The following ITGA11 variants were observed in gnomAD, a reference collection of about 807,000 sequenced individuals.
ITGA11 encodes the protein integrin alpha-11.
Under a neutral mutation model 141.9 loss-of-function variants are expected in ITGA11, and 97 were observed. The ratio of observed to expected loss-of-function variants is 0.68; its 90% confidence interval spans 0.58 to 0.81. The LOEUF (loss-of-function observed/expected upper bound fraction) is 0.81, where lower values mean the gene tolerates loss of function less well. Ranked by LOEUF, ITGA11 falls within the 30% of genes least tolerant of loss-of-function variation. The pLI, the probability that ITGA11 is intolerant of heterozygous loss-of-function variation, is 0.00. For synonymous variants in ITGA11, 658 were observed against 624.6 expected, an observed-to-expected ratio of 1.05 and a Z score of -0.80; for missense variants, 1,387 against 1,559.2, an observed-to-expected ratio of 0.89 and a Z score of 1.86.
chr15:68,374,500 T>C (rs770282690), intron 2 of ITGA11, among the ~76,000 whole-genome samples: 7 of 152,136 alleles, frequency 4.6e-5, no homozygotes, highest in Non-Finnish European at 7.4e-5. Flanking sequence ...GCTGGACTAG[T>C]ACACGGTGTC....
Position 68,303,765 on chromosome 15 carries a change from C to T in ITGA11, c.3495+7G>A, listed in dbSNP as rs763256050. On this transcript the variant is annotated splice_region_variant and intron_variant, in intron 29 of 29. Coordinates refer to ENST00000315757, the MANE Select transcript of ITGA11 (RefSeq NM_001004439.2). The surrounding 1 kb of genome is among the most constrained non-coding windows in gnomAD (Gnocchi z 5.3). ...CTGCTCCTTCCCTCCCCTGCCAGGG[C>T]CCTCACCTTCCACAGTGCCAGGACC... 6.3e-7 allele frequency: 1 copy of T among 1,591,300 alleles called. No individual in the cohort carries two copies. Among genetic ancestry groups the T allele is most frequent in the South Asian group, 1.1e-5 (1 of 90,094 alleles).
chr15:68,320,422 CA>C, intron 19 of ITGA11, 30 bp from the exon 20 acceptor site: 1 of 1,544,586 alleles, frequency 6.5e-7, no homozygotes. Flanking sequence ...AGAGACTGGG[CA>C]GATGGAATGA....
At chr15:68,389,813 G>A (rs1320782359) in intron 2 of ITGA11, among the ~76,000 whole-genome samples, 1 of 152,182 alleles carries the variant, frequency 6.6e-6, no homozygotes, top group African/African-American at 2.4e-5. Flanking sequence ...CTCTCCAGGG[G>A]TGAGAGCTTC....
chr15:68,404,732 A>G (rs72745267), intron 1 of ITGA11, among the ~76,000 whole-genome samples: 27,576 of 152,172 alleles, frequency 0.18, 2,931 homozygotes, highest in Non-Finnish European at 0.24. Context: ...CATTTTCAGG[A>G]TACATCTGGC....
chr15:68,407,025 T>C (rs918938366), intron 1 of ITGA11, among the ~76,000 whole-genome samples: 72 of 152,266 alleles, frequency 4.7e-4, no homozygotes, highest in African/African-American at 1.7e-3. Context: ...TTCTCTTCCC[T>C]CCCTAGATCA....
rs185083592 is a variant in ITGA11, at chr15:68,354,729, C to G, written c.749+2422G>C. On this transcript the variant is annotated intron_variant, in intron 7 of 29. Transcript: ENST00000315757. ...CCACTCCATGGGGGCCCCTCCCTCT[C>G]TCATCCTCACCGAGTTAGGGTTAGG... 5.9e-4 allele frequency among the ~76,000 whole-genome samples: 90 copies of G among 152,316 alleles called. 1 individual carries two copies. Among genetic ancestry groups the G allele is most frequent in the Admixed American group, 2.8e-3 (43 of 15,282 alleles).
chr15:68,307,328 C>T lies in ITGA11; in HGVS notation c.3381+20G>A. ...GCTGTCCGGCCTAAGCCCAGTTCTG[C>T]AGGGCTCCCAGGGGCTCACCTGGCG... On this transcript the variant is annotated intron_variant, in intron 28 of 29. Transcript: ENST00000315757. This position sits in a 1 kb window ranked among gnomAD's most constrained non-coding sequence, Gnocchi z 6.1. The T allele has an allele frequency of 6.5e-7, 1 of 1,536,470 alleles. No homozygotes were observed. Among genetic ancestry groups the T allele is most frequent in the African/African-American group, 1.4e-5 (1 of 72,844 alleles).
intron 2 of ITGA11, among the ~76,000 whole-genome samples, chr15:68,375,119 C>T (rs1895695618): frequency 6.6e-6 from 1 of 152,122 alleles, no homozygotes; most frequent in South Asian, 2.1e-4. Flanking sequence ...CTAGGGCCAG[C>T]AGGGCCTCTC....
At position 68,335,735 on chromosome 15, in the gene ITGA11, G is replaced by T; in HGVS notation, c.1387C>A (p.Arg463=). The T allele has an allele frequency of 6.2e-7, 1 of 1,613,852 alleles. No individual in the cohort carries two copies. The highest frequency in any genetic ancestry group is 8.5e-7 in the Non-Finnish European group (1 of 1,179,846). ...KVILFTMHNN[R]SLTIHQAMRG... is the part of the protein sequence containing the mutation. ...ATAGCCTGGTGGATGGTGAGGCTCC[G>T]GTTGTTGTGCATGGTGAACAGGATG... is the stretch of plus-strand genomic sequence containing the variant. The change falls in exon 12 of 30, where the codon CGG becomes AGG. Residue 463 remains arginine (R), a synonymous_variant. Transcript: ENST00000315757. The surrounding 1 kb of genome is among the most constrained non-coding windows in gnomAD (Gnocchi z 4.9).
Position 68,325,946 on chromosome 15 carries a change from C to A in ITGA11, c.2212-705G>T, listed in dbSNP as rs1391165784. Among the ~76,000 whole-genome samples, 7 of 152,204 alleles carry A rather than the reference C, an allele frequency of 4.6e-5. No individual in the cohort carries two copies. The highest frequency in any genetic ancestry group is 7.2e-5 in the African/African-American group (3 of 41,448). Reference sequence around the variant, plus strand: ...GCTGGCGCCAGCCCCAGCCCCAGCCCCAGAGTTTCTGAGTCAGAACAAGTG... The same window carrying A: ...GCTGGCGCCAGCCCCAGCCCCAGCCACAGAGTTTCTGAGTCAGAACAAGTG... On this transcript the variant is annotated intron_variant, in intron 17 of 29. Coordinates refer to ENST00000315757, the MANE Select transcript of ITGA11 (RefSeq NM_001004439.2). This position sits in a 1 kb window ranked among gnomAD's most constrained non-coding sequence, Gnocchi z 5.5.
intron 1 of ITGA11, among the ~76,000 whole-genome samples, chr15:68,426,196 A>G (rs906863666): frequency 2.0e-5 from 3 of 152,234 alleles, no homozygotes; most frequent in South Asian, 2.1e-4. Context: ...GGCTCAAGGC[A>G]CAGCCAGTTG....
At chr15:68,371,613 G>A (rs890764504) in intron 2 of ITGA11, among the ~76,000 whole-genome samples, 1 of 152,094 alleles carries the variant, frequency 6.6e-6, no homozygotes, top group Non-Finnish European at 1.5e-5. Context: ...AGTTACTTGG[G>A]AGGCTGAGGC....
Position 68,400,894 on chromosome 15 carries a change from AATATTAT to A in ITGA11, c.164+2017_164+2023del, listed in dbSNP as rs374859464. ...TTATATATTATATAATAAATATTAT[AATATTAT>A]ATATTATATAATAAATATTATAATA... On this transcript the variant is annotated intron_variant, in intron 2 of 29. Transcript: ENST00000315757. Among the ~76,000 whole-genome samples the A allele has an allele frequency of 2.2e-3, 84 of 37,536 alleles. 20 individuals are homozygous for A. The highest frequency in any genetic ancestry group is 8.4e-3 in the South Asian group (10 of 1,184). The allele number at this position is 37,536 out of a possible 152,430, so 24.6% of individuals were successfully genotyped here.
At chr15:68,351,065 C>T (rs1307559797) in intron 8 of ITGA11, among the ~76,000 whole-genome samples, 193 bp downstream of exon 8, 3 of 152,154 alleles carry the variant, frequency 2.0e-5, no homozygotes, top group East Asian at 3.9e-4. Flanking sequence ...AAACACAACC[C>T]GTAGCTTTTG....
At chr15:68,422,121 C>T (rs143133324) in intron 1 of ITGA11, among the ~76,000 whole-genome samples, 200 of 152,274 alleles carry the variant, frequency 1.3e-3, no homozygotes, top group Non-Finnish European at 2.5e-3. Flanking sequence ...GGCTCTGTGC[C>T]GTGGGGCGCT....
chr15:68,393,642 G>A lies in ITGA11; in HGVS notation c.164+9276C>T, dbSNP rs780672786. On this transcript the variant is annotated intron_variant, in intron 2 of 29. Coordinates refer to ENST00000315757, the MANE Select transcript of ITGA11 (RefSeq NM_001004439.2). Reference sequence around the variant, plus strand: ...GAGATTAAGATCTTTTCAGACAAACGAACAAAAACAAACAGAAAACCCAAC... The same window carrying A: ...GAGATTAAGATCTTTTCAGACAAACAAACAAAAACAAACAGAAAACCCAAC... Among the ~76,000 whole-genome samples the A allele has an allele frequency of 1.1e-4, 16 of 152,098 alleles. No individual in the cohort carries two copies. In the South Asian group the frequency reaches 1.2e-3, roughly 12 times the overall value.
At chr15:68,362,511 G>C (rs1463052636) in intron 4 of ITGA11, among the ~76,000 whole-genome samples, 1 of 152,248 alleles carries the variant, frequency 6.6e-6, no homozygotes, top group Non-Finnish European at 1.5e-5. Flanking sequence ...GCAGGGGACA[G>C]AGGGGAATAA....
intron 11 of ITGA11, among the ~76,000 whole-genome samples, chr15:68,336,636 T>A (rs1345980719): frequency 6.6e-6 from 1 of 152,160 alleles, no homozygotes; most frequent in Admixed American, 6.5e-5. Flanking sequence ...CCAGCAGGTG[T>A]GGAAAGCCGA....
chr15:68,391,854 A>G (rs1374741950), intron 2 of ITGA11, among the ~76,000 whole-genome samples: 1 of 152,230 alleles, frequency 6.6e-6, no homozygotes, highest in Non-Finnish European at 1.5e-5. Context: ...GTCTAGTAAA[A>G]TTCATTAACA....
Sources: allele counts gnomAD v4.1 joint callset (sites outside exome capture counted in the v4.1 genomes callset), GRCh38; gene constraint gnomAD v4.1.1; non-coding constraint Gnocchi (gnomAD v3.1); transcripts MANE v1.5; gene names NCBI Gene and HGNC (gene_info 2026-07-23, HGNC 2026-07-21).